NPAS3: variants seen among roughly 807,000 people sequenced by gnomAD.
NPAS3 encodes neuronal PAS domain-containing protein 3.
NPAS3 carries 14 observed loss-of-function variants against 73.1 expected under a neutral mutation model. The ratio of observed to expected loss-of-function variants is 0.19; its 90% CI spans 0.13 to 0.30. The LOEUF (loss-of-function observed/expected upper bound fraction) is 0.30. NPAS3 is among the 10% of genes least tolerant of loss of function. The probability of loss-of-function intolerance (pLI) is 1.00; values close to 1 mark genes in which losing one functional copy is unlikely to be tolerated. For missense variants in NPAS3, 1,096 were observed against 1,250.0 expected (o/e 0.88, Z 1.86); for synonymous variants, 620 against 541.5 (o/e 1.14, Z -2.01).
At chr14:33,360,881 T>C (rs2045567658) in intron 3 of NPAS3, among the ~76,000 whole-genome samples, 1 of 152,186 alleles carries the variant, frequency 6.6e-6, no homozygotes. Flanking sequence ...GCCTGCATTT[T>C]CCTGAGGTTC....
chr14:32,964,832 A>G (rs1343454502), intron 1 of NPAS3, among the ~76,000 whole-genome samples: 1 of 151,088 alleles, frequency 6.6e-6, no homozygotes, highest in East Asian at 2.0e-4. Context: ...AAAGAAGAAG[A>G]TTAGCTCGGT....
At chr14:33,579,667 C>G (rs924034391) in intron 5 of NPAS3, among the ~76,000 whole-genome samples, 1 of 151,636 alleles carries the variant, frequency 6.6e-6, no homozygotes, top group Non-Finnish European at 1.5e-5. Flanking sequence ...TTCATTTGAC[C>G]AACATGTACT....
At position 33,147,725 on chromosome 14, in the gene NPAS3, T is replaced by TAAAAA. The variant is rs72264623; in HGVS notation, c.141-67455_141-67451dup. ...ATGTACCCTAGAACTTAAAGTAGAA[T>TAAAAA]AAAAAATATATATATATATATATAT... On this transcript the variant is annotated intron_variant, in intron 2 of 11. Coordinates refer to ENST00000356141, the Ensembl canonical transcript of NPAS3. 6.3e-3 allele frequency among the ~76,000 whole-genome samples: 579 copies of TAAAAA among 91,578 alleles called. 4 individuals are homozygous for TAAAAA. Among genetic ancestry groups the TAAAAA allele is most frequent in the African/African-American group, 0.026 (527 of 20,384 alleles). 60.1% of individuals were successfully genotyped at this position (91,578 alleles called of 152,430 possible).
intron 5 of NPAS3, among the ~76,000 whole-genome samples, chr14:33,579,850 A>G (rs1057157315): frequency 4.6e-5 from 7 of 152,188 alleles, no homozygotes; most frequent in African/African-American, 1.7e-4. Context: ...ACATCAATGA[A>G]AAATGGGAAA....
chr14:33,545,284 GT>G (rs1391825932), intron 4 of NPAS3, among the ~76,000 whole-genome samples: 6 of 152,042 alleles, frequency 3.9e-5, no homozygotes. Flanking sequence ...ACTTCCAAGT[GT>G]ATTTTTCTCC....
At chr14:33,444,994 A>C (rs1170579926) in intron 4 of NPAS3, among the ~76,000 whole-genome samples, 3 of 152,218 alleles carry the variant, frequency 2.0e-5, no homozygotes, top group African/African-American at 7.2e-5. Context: ...ACAGCAACTT[A>C]AGTATTTTTT....
At chr14:33,433,907 T>C (rs2048876825) in intron 4 of NPAS3, among the ~76,000 whole-genome samples, 1 of 152,220 alleles carries the variant, frequency 6.6e-6, no homozygotes, top group African/African-American at 2.4e-5. Context: ...TAAAACATAC[T>C]AGGCCGGGCA....
intron 5 of NPAS3, among the ~76,000 whole-genome samples, chr14:33,650,518 C>T (rs770096617): frequency 2.6e-4 from 39 of 152,246 alleles, no homozygotes; most frequent in Non-Finnish European, 4.1e-4. Flanking sequence ...TAGTGAGCTC[C>T]GAGCTTTGGA....
At chr14:33,482,485 A>G (rs2051377224) in intron 4 of NPAS3, among the ~76,000 whole-genome samples, 1 of 152,202 alleles carries the variant, frequency 6.6e-6, no homozygotes, top group Admixed American at 6.5e-5. Context: ...GATTCCATAC[A>G]GAGTTTAAGA....
chr14:33,159,690 A>G (rs1477957707), intron 2 of NPAS3, among the ~76,000 whole-genome samples: 1 of 151,126 alleles, frequency 6.6e-6, no homozygotes, highest in Admixed American at 6.6e-5. Flanking sequence ...AGTAGCTGGG[A>G]CTACAGGCGC....
chr14:33,546,183 G>A (rs2054834737), intron 4 of NPAS3, among the ~76,000 whole-genome samples: 1 of 152,096 alleles, frequency 6.6e-6, no homozygotes, highest in Non-Finnish European at 1.5e-5. Context: ...CCATTTTTGT[G>A]AGAACCCTGG....
intron 5 of NPAS3, among the ~76,000 whole-genome samples, chr14:33,605,393 T>TAAAAAAA (rs57109563): frequency 2.2e-4 from 30 of 137,276 alleles, no homozygotes; most frequent in Middle Eastern, 4.1e-3. Flanking sequence ...GCATTCAAAT[T>TAAAAAAA]AAAAAAAAAA....
intron 4 of NPAS3, among the ~76,000 whole-genome samples, chr14:33,400,161 A>G (rs1263472506): frequency 6.6e-6 from 1 of 152,108 alleles, no homozygotes; most frequent in Non-Finnish European, 1.5e-5. Context: ...TTTTCCTTAC[A>G]TTTTTAAAGA....
chr14:33,585,125 G>A (rs1198338744), intron 5 of NPAS3, among the ~76,000 whole-genome samples: 1 of 151,920 alleles, frequency 6.6e-6, no homozygotes, highest in African/African-American at 2.4e-5. Flanking sequence ...ACTGGATACA[G>A]GATGAAATGC....
chr14:33,662,170 C>T (rs894099667), intron 5 of NPAS3, among the ~76,000 whole-genome samples: 1 of 152,200 alleles, frequency 6.6e-6, no homozygotes, highest in African/African-American at 2.4e-5. Flanking sequence ...GCCATGCCAC[C>T]ATATCTAGAC....
At chr14:33,207,995 G>A (rs1488921648) in intron 2 of NPAS3, among the ~76,000 whole-genome samples, 3 of 152,186 alleles carry the variant, frequency 2.0e-5, no homozygotes, top group Non-Finnish European at 4.4e-5. Context: ...GTTCAATTGT[G>A]AAGTGATTAG....
intron 4 of NPAS3, among the ~76,000 whole-genome samples, chr14:33,399,054 A>C (rs1049217221): frequency 1.2e-4 from 19 of 152,094 alleles, no homozygotes; most frequent in African/African-American, 4.6e-4. Flanking sequence ...TGTAACTGAA[A>C]ATGGACTATT....
At chr14:33,670,210 A>C (rs1328639369) in intron 5 of NPAS3, among the ~76,000 whole-genome samples, 2 of 152,170 alleles carry the variant, frequency 1.3e-5, no homozygotes, top group African/African-American at 4.8e-5. Flanking sequence ...TTCTAGCTAA[A>C]ATTCTTCTAA....
chr14:33,125,620 C>A (rs2043399500), intron 2 of NPAS3, among the ~76,000 whole-genome samples: 1 of 152,176 alleles, frequency 6.6e-6, no homozygotes, highest in South Asian at 2.1e-4. Context: ...ATGTGTTTTT[C>A]TTTAAATGAG....
Sources: gnomAD v4.1 joint callset for allele counts (sites outside exome capture counted in the v4.1 genomes callset) on GRCh38, gnomAD v4.1.1 for gene constraint, MANE v1.5 for transcripts, NCBI Gene and HGNC (gene_info 2026-07-23, HGNC 2026-07-21) for gene names.